MED27: variants seen among roughly 807,000 people sequenced by gnomAD.
The protein encoded by MED27 is mediator of RNA polymerase II transcription subunit 27.
In MED27, 30 loss-of-function variants were observed where a neutral mutation model predicts 38.2. The ratio of observed to expected loss-of-function variants is 0.79; its 90% confidence interval spans 0.59 to 1.07. MED27 has a LOEUF of 1.07. MED27 is among the 50% of genes least tolerant of loss of function. The pLI, the probability that MED27 is intolerant of heterozygous loss-of-function variation, is 0.00. For missense variants in MED27, 289 were observed against 397.5 expected, an observed-to-expected ratio of 0.73 and a Z score of 2.32; for synonymous variants, 122 against 153.5, an observed-to-expected ratio of 0.79 and a Z score of 1.52.
intron 4 of MED27, among the ~76,000 whole-genome samples, chr9:131,916,886 A>G (rs146778193): frequency 1.3e-5 from 2 of 152,310 alleles, no homozygotes; most frequent in African/African-American, 4.8e-5. Flanking sequence ...CCTTCAATAC[A>G]GGCATAAATG....
chr9:131,954,898 CG>C (rs1831066509), intron 3 of MED27, among the ~76,000 whole-genome samples: 1 of 152,072 alleles, frequency 6.6e-6, no homozygotes. Context: ...GTCAATACCA[CG>C]CCTCTCTCAG....
At chr9:131,950,899 C>T (rs1028157989) in intron 3 of MED27, among the ~76,000 whole-genome samples, 1 of 152,226 alleles carries the variant, frequency 6.6e-6, no homozygotes, top group Non-Finnish European at 1.5e-5. Flanking sequence ...GTAAACACAA[C>T]TTTGTTCTGT....
chr9:132,037,239 C>T (rs1286053277), intron 2 of MED27, among the ~76,000 whole-genome samples: 2 of 152,158 alleles, frequency 1.3e-5, no homozygotes, highest in African/African-American at 2.4e-5. Context: ...CGAATAAACA[C>T]GCTTGAAGTG....
intron 5 of MED27, among the ~76,000 whole-genome samples, chr9:131,893,307 T>G (rs1839258959): frequency 6.6e-6 from 1 of 151,966 alleles, no homozygotes; most frequent in Admixed American, 6.6e-5. Flanking sequence ...CCTCTGATGC[T>G]CTCTGTGGAG....
chr9:132,014,539 T>C, intron 2 of MED27, 72 bp from the exon 3 acceptor site: 1 of 1,455,670 alleles, frequency 6.9e-7, no homozygotes, highest in Non-Finnish European at 9.4e-7. Context: ...GGTATTAAAC[T>C]AGCAATGCTT....
intron 5 of MED27, among the ~76,000 whole-genome samples, chr9:131,890,951 T>C (rs1839219276): frequency 6.6e-6 from 1 of 152,230 alleles, no homozygotes; most frequent in African/African-American, 2.4e-5. Context: ...AAGATGGACA[T>C]GTAAATAATC....
chr9:132,032,680 A>G (rs1159161470), intron 2 of MED27, among the ~76,000 whole-genome samples: 4 of 152,214 alleles, frequency 2.6e-5, no homozygotes, highest in Non-Finnish European at 1.5e-5. Context: ...CCCAGGAGGC[A>G]GAGCCAGTCA....
At position 131,862,130 on chromosome 9, in the gene MED27, G is replaced by A. The variant is rs143217625; in HGVS notation, c.801+933C>T. Among the ~76,000 whole-genome samples, 234 of 152,340 alleles carry A rather than the reference G, an allele frequency of 1.5e-3. 1 individual carries two copies. Among genetic ancestry groups the A allele is most frequent in the Non-Finnish European group, 2.5e-3 (169 of 68,032 alleles). On this transcript the variant is annotated intron_variant, in intron 7 of 7. Coordinates refer to ENST00000292035, the MANE Select transcript of MED27 (RefSeq NM_004269.4). The surrounding 1 kb of genome is among the most constrained non-coding windows in gnomAD (Gnocchi z 4.6). ...GTGCCCACTCTGCCAGCATCATGAA[G>A]CCAATCAACGCACCAGGGATGTGTC...
intron 2 of MED27, chr9:132,032,017 T>C (rs568383621): frequency 6.6e-6 from 1 of 152,298 alleles, no homozygotes; most frequent in East Asian, 1.9e-4. Context: ...AATAATGAGG[T>C]GTGGAGAGAG....
intron 3 of MED27, among the ~76,000 whole-genome samples, chr9:131,992,559 T>C (rs1831999447): frequency 6.6e-6 from 1 of 152,038 alleles, no homozygotes; most frequent in African/African-American, 2.4e-5. Flanking sequence ...CACCACACCC[T>C]GCTATTTTTT....
chr9:132,016,242 T>A (rs771283662), intron 2 of MED27, among the ~76,000 whole-genome samples: 6 of 152,210 alleles, frequency 3.9e-5, no homozygotes, highest in African/African-American at 7.2e-5. Flanking sequence ...GGAAAGTGGC[T>A]ATAAAAATGA....
intron 6 of MED27, among the ~76,000 whole-genome samples, chr9:131,867,906 C>T (rs1255878704): frequency 6.6e-6 from 1 of 152,174 alleles, no homozygotes; most frequent in African/African-American, 2.4e-5. Context: ...TGGTTAGGGA[C>T]TGGGCTTTGA....
chr9:131,961,363 T>G (rs1589235696), intron 3 of MED27, among the ~76,000 whole-genome samples: 1 of 152,218 alleles, frequency 6.6e-6, no homozygotes, highest in Non-Finnish European at 1.5e-5. Flanking sequence ...CAGGATTTTT[T>G]CCCTGCCTGA....
chr9:132,035,284 A>G (rs1833049574), intron 2 of MED27, among the ~76,000 whole-genome samples: 1 of 152,260 alleles, frequency 6.6e-6, no homozygotes, highest in African/African-American at 2.4e-5. Flanking sequence ...AATAATGAAT[A>G]ATGAATATTA....
At position 131,917,632 on chromosome 9, in the gene MED27, C is replaced by T. The variant is rs115258916; in HGVS notation, c.573+21749G>A. Among the ~76,000 whole-genome samples the T allele has an allele frequency of 0.025, 3,769 of 152,198 alleles. 172 individuals are homozygous for T. Among genetic ancestry groups the T allele is most frequent in the African/African-American group, 0.086 (3,549 of 41,504 alleles). Reference sequence around the variant, plus strand: ...AGAATGCATGTGGCATTGTGGGTGACAATGGGGATGCCACCCGCAATGTAA... The same window carrying T: ...AGAATGCATGTGGCATTGTGGGTGATAATGGGGATGCCACCCGCAATGTAA... On this transcript the variant is annotated intron_variant, in intron 4 of 7. Transcript: ENST00000292035. This position sits in a 1 kb window ranked among gnomAD's most constrained non-coding sequence, Gnocchi z 4.6.
intron 2 of MED27, among the ~76,000 whole-genome samples, chr9:132,071,814 GC>G (rs1302597333): frequency 2.1e-5 from 3 of 145,528 alleles, no homozygotes; most frequent in South Asian, 2.2e-4. Flanking sequence ...AGTAATGCAC[GC>G]CCCATAAGTG....
chr9:132,063,421 T>G (rs1225442432), intron 2 of MED27, among the ~76,000 whole-genome samples: 1 of 152,188 alleles, frequency 6.6e-6, no homozygotes, highest in Non-Finnish European at 1.5e-5. Flanking sequence ...ACTAGGAAAT[T>G]ACCACGTTCT....
chr9:132,045,413 TAC>T (rs61360267), intron 2 of MED27, among the ~76,000 whole-genome samples: 50,127 of 144,116 alleles, frequency 0.35, 9,407 homozygotes, highest in Non-Finnish European at 0.45. Flanking sequence ...AAGAGGAAAT[TAC>T]ACACACACAC....
intron 2 of MED27, among the ~76,000 whole-genome samples, chr9:132,062,616 AT>A (rs10712445): frequency 0.64 from 92,995 of 145,238 alleles, 29,615 homozygotes; most frequent in Non-Finnish European, 0.69. Context: ...TCATCAATAC[AT>A]TTTTTTTTTT....
Sources: allele counts gnomAD v4.1 joint callset (sites outside exome capture counted in the v4.1 genomes callset), GRCh38; gene constraint gnomAD v4.1.1; non-coding constraint Gnocchi (gnomAD v3.1); transcripts MANE v1.5; gene names NCBI Gene and HGNC (gene_info 2026-07-23, HGNC 2026-07-21).